Variants in DAD1 observed in about 807,000 individuals in gnomAD.
The protein encoded by DAD1 is defender against cell death 1.
In DAD1, 4 loss-of-function variants were observed where a neutral mutation model predicts 9.0. That is an observed-to-expected ratio of 0.44 (90% CI 0.22 to 1.01). The LOEUF is 1.01. DAD1 is among the 50% of genes least tolerant of loss of function. The pLI is 0.24. For synonymous variants in DAD1, 60 were observed against 62.5 expected (o/e 0.96, Z 0.19); for missense variants, 119 against 137.3 (o/e 0.87, Z 0.67).
At position 22,571,197 on chromosome 14, in the gene DAD1, C is replaced by G. The variant is rs550658751; in HGVS notation, c.*44+3862G>C. ...ACTAGCCGGGCAAGTGCCTGTAGTC[C>G]CAGCTACTCGGGGAGGCTGCGGCAG... On this transcript the variant is annotated intron_variant, in intron 2 of 2. Coordinates refer to ENST00000250498, the MANE Select transcript of DAD1 (RefSeq NM_001344.4). 2.7e-5 allele frequency among the ~76,000 whole-genome samples: 4 copies of G among 149,816 alleles called. No homozygotes were observed. In the South Asian group the frequency reaches 8.4e-4, roughly 31 times the overall value.
chr14:22,570,628 A>G (rs1173868625), intron 2 of DAD1, among the ~76,000 whole-genome samples: 1 of 152,216 alleles, frequency 6.6e-6, no homozygotes, highest in Non-Finnish European at 1.5e-5. Context: ...TTTCTAGATT[A>G]CTATACTTTA....
chr14:22,575,981 C>A (rs1022024901), intron 1 of DAD1, among the ~76,000 whole-genome samples: 3 of 152,260 alleles, frequency 2.0e-5, no homozygotes, highest in East Asian at 1.9e-4. Context: ...GCTGGGGGAA[C>A]AAATGTACCC....
rs116185993 is a variant in DAD1 at position 22,566,050 on chromosome 14, C to G, written c.*45-913G>C. 4.1e-3 allele frequency among the ~76,000 whole-genome samples: 625 copies of G among 152,296 alleles called. 4 individuals are homozygous for G. Among genetic ancestry groups the G allele is most frequent in the African/African-American group, 0.015 (605 of 41,552 alleles). ...TTGGTATATTGGGTCAAGTAAGTAA[C>G]CTGGAGATTCTGGCATCAGAACTTA... On this transcript the variant is annotated intron_variant, in intron 2 of 2. Transcript: ENST00000250498.
At chr14:22,581,341 AAG>A (rs2037114022) in intron 1 of DAD1, among the ~76,000 whole-genome samples, 2 of 152,228 alleles carry the variant, frequency 1.3e-5, no homozygotes, top group Admixed American at 6.5e-5. Context: ...AGGTCTCTTT[AAG>A]AGCTTGCTAT....
chr14:22,564,991 A>G lies in DAD1; in HGVS notation c.*191T>C. On this transcript the variant is annotated 3_prime_UTR_variant, in exon 3 of 3. Transcript: ENST00000250498. Reference sequence around the variant, plus strand: ...GAGGCTGGATTAATAAATGTTTGTTAGAAAGTTGTTCTGACACACAGTGAA... The same window carrying G: ...GAGGCTGGATTAATAAATGTTTGTTGGAAAGTTGTTCTGACACACAGTGAA... 1.6e-6 allele frequency: 1 copy of G among 617,400 alleles called. No homozygotes were observed. The highest frequency in any genetic ancestry group is 1.8e-5 in the South Asian group (1 of 54,092). 38.2% of individuals were successfully genotyped at this position (617,400 alleles called of 1,614,324 possible).
In DAD1 at chr14:22,571,027, A is replaced by ATTT. The variant is rs2037035416; in HGVS notation, c.*44+4031_*44+4032insAAA. 8.6e-4 allele frequency among the ~76,000 whole-genome samples: 121 copies of ATTT among 140,636 alleles called. 1 individual carries two copies. The highest frequency in any genetic ancestry group is 7.8e-3 in the Middle Eastern group (2 of 258). The allele number at this position is 140,636 out of a possible 152,430, so 92.3% of individuals were successfully genotyped here. A position where few individuals can be genotyped will look rare whatever the true frequency, so the allele number is the denominator to read the frequency against. ...ACTGAGATTTTTTTTTTTTTTTTTA[A>ATTT]AAAAGAGTTTCACAGGCCAGGTGCA... is the stretch of plus-strand genomic sequence containing the variant. On this transcript the variant is annotated intron_variant, in intron 2 of 2. Transcript: ENST00000250498.
intron 2 of DAD1, among the ~76,000 whole-genome samples, chr14:22,574,229 A>G (rs1380563093): frequency 6.6e-6 from 1 of 152,194 alleles, no homozygotes; most frequent in East Asian, 1.9e-4. Flanking sequence ...GGGAAGGCCA[A>G]TGGATTGTTC....
At position 22,564,946 on chromosome 14, in the gene DAD1, G is replaced by T. The variant is rs2036993069; in HGVS notation, c.*236C>A. The T allele has an allele frequency of 5.0e-6, 3 of 595,878 alleles. No individual in the cohort carries two copies. The highest frequency in any genetic ancestry group is 1.9e-5 in the African/African-American group (1 of 53,474). 36.9% of individuals were successfully genotyped at this position (595,878 alleles called of 1,614,324 possible). On this transcript the variant is annotated 3_prime_UTR_variant, in exon 3 of 3. Transcript: ENST00000250498. ...AGTTCTTTAATTTGGAAGGCAAAAG[G>T]TTACATTTAATGAAAGGCAGAGGCT...
intron 2 of DAD1, among the ~76,000 whole-genome samples, chr14:22,571,503 A>G (rs949696832): frequency 6.6e-6 from 1 of 152,058 alleles, no homozygotes; most frequent in Non-Finnish European, 1.5e-5. Flanking sequence ...GGGGGTCAGA[A>G]GCTCACTGGG....
At chr14:22,582,337 A>C (rs1360323899) in intron 1 of DAD1, among the ~76,000 whole-genome samples, 1 of 148,872 alleles carries the variant, frequency 6.7e-6, no homozygotes, top group Non-Finnish European at 1.5e-5. Context: ...ACATGGTGAG[A>C]CCCATCTCCA....
intron 1 of DAD1, 60 bp downstream of exon 1, chr14:22,588,887 A>G: frequency 6.4e-7 from 1 of 1,566,190 alleles, no homozygotes. Context: ...AGTACTATGA[A>G]AACAAAAGCA....
chr14:22,581,334 T>C (rs1352052881), intron 1 of DAD1, among the ~76,000 whole-genome samples: 3 of 152,076 alleles, frequency 2.0e-5, no homozygotes, highest in African/African-American at 7.2e-5. Context: ...TAACAGAAGG[T>C]CTCTTTAAGA....
rs193012705 is a variant in DAD1 at position 22,568,561 on chromosome 14, A to G, written c.*45-3424T>C. ...TCAAGAATCATGCTGAGAGGCATTA[A>G]CAGTGGCAAGAGACTTTGATGAACA... On this transcript the variant is annotated intron_variant, in intron 2 of 2. Coordinates refer to ENST00000250498, the MANE Select transcript of DAD1 (RefSeq NM_001344.4). 2.1e-4 allele frequency among the ~76,000 whole-genome samples: 32 copies of G among 152,362 alleles called. 1 individual carries two copies. The East Asian group carries it at 6.2e-3, about 29-fold the overall frequency.
intron 1 of DAD1, among the ~76,000 whole-genome samples, chr14:22,583,486 T>A: frequency 6.6e-6 from 1 of 152,072 alleles, no homozygotes; most frequent in East Asian, 1.9e-4. Flanking sequence ...GACAGACCAA[T>A]ACCAAGAGTG....
At chr14:22,568,485 A>G (rs2037015725) in intron 2 of DAD1, among the ~76,000 whole-genome samples, 1 of 152,218 alleles carries the variant, frequency 6.6e-6, no homozygotes, top group Non-Finnish European at 1.5e-5. Flanking sequence ...AGCAAAGCCC[A>G]AATGAGGATC....
intron 2 of DAD1, among the ~76,000 whole-genome samples, chr14:22,570,759 T>C (rs1171847218): frequency 6.6e-6 from 1 of 152,202 alleles, no homozygotes; most frequent in Non-Finnish European, 1.5e-5. Flanking sequence ...ACTGAATTTT[T>C]TAAGACTTGT....
At chr14:22,571,405 C>T (rs2037038986) in intron 2 of DAD1, among the ~76,000 whole-genome samples, 1 of 151,760 alleles carries the variant, frequency 6.6e-6, no homozygotes, top group African/African-American at 2.4e-5. Flanking sequence ...CTGAAATCCA[C>T]TGAGCTTCTT....
chr14:22,571,897 T>TG (rs2037043792), intron 2 of DAD1, among the ~76,000 whole-genome samples: 1 of 152,180 alleles, frequency 6.6e-6, no homozygotes, highest in South Asian at 2.1e-4. Flanking sequence ...CCCAAAATGC[T>TG]GGGATTACAG....
At chr14:22,579,398 A>G (rs2037099956) in intron 1 of DAD1, among the ~76,000 whole-genome samples, 2 of 152,232 alleles carry the variant, frequency 1.3e-5, no homozygotes, top group Non-Finnish European at 2.9e-5. Context: ...CTATCAGACT[A>G]GTTCTCCAGA....
Sources: allele counts gnomAD v4.1 joint callset (sites outside exome capture counted in the v4.1 genomes callset), GRCh38; gene constraint gnomAD v4.1.1; transcripts MANE v1.5; gene names NCBI Gene and HGNC (gene_info 2026-07-23, HGNC 2026-07-21).